CIT: variants seen among roughly 807,000 people sequenced by gnomAD.
CIT encodes the protein citron Rho-interacting kinase.
In CIT, 79 loss-of-function variants were observed where a neutral mutation model predicts 272.7. That is an observed-to-expected ratio of 0.29 (90% CI 0.24 to 0.35). The LOEUF is 0.35. CIT is among the 10% of genes least tolerant of loss of function. The probability of loss-of-function intolerance (pLI) is 1.00; values close to 1 mark genes in which losing one functional copy is unlikely to be tolerated. For synonymous variants in CIT, 948 were observed against 995.6 expected, an observed-to-expected ratio of 0.95 and a Z score of 0.90; for missense variants, 1,909 against 2,618.3, an observed-to-expected ratio of 0.73 and a Z score of 5.91.
intron 5 of CIT, among the ~76,000 whole-genome samples, chr12:119,840,077 G>A (rs1161302232): frequency 6.6e-6 from 1 of 152,200 alleles, no homozygotes; most frequent in African/African-American, 2.4e-5. Flanking sequence ...GGCATTTGGG[G>A]AGGCTGAAGC....
chr12:119,823,020 T>C, intron 8 of CIT, 47 bp from the exon 9 acceptor site: 1 of 1,537,752 alleles, frequency 6.5e-7, no homozygotes, highest in Non-Finnish European at 8.8e-7. Flanking sequence ...AGGGATTCCG[T>C]TTCTCATGCT....
Position 119,688,101 on chromosome 12 carries a change from TG to T in CIT, c.*130del. 1.0e-6 allele frequency: 1 copy of T among 960,120 alleles called. No homozygotes were observed. Among genetic ancestry groups the T allele is most frequent in the Non-Finnish European group, 1.7e-6 (1 of 599,684 alleles). 59.5% of individuals were successfully genotyped at this position (960,120 alleles called of 1,614,324 possible). A position where few individuals can be genotyped will look rare whatever the true frequency, so the allele number is the denominator to read the frequency against. On this transcript the variant is annotated 3_prime_UTR_variant, in exon 48 of 48. Coordinates refer to ENST00000392521, the MANE Select transcript of CIT (RefSeq NM_001206999.2). ...GGAGACAGGGGTGTCCGTGCCGAGG[TG>T]GGTCTGGGCCCCGCTGAGCCAGAGG...
chr12:119,853,324 C>CAAAAAAA (rs199867661), intron 4 of CIT, among the ~76,000 whole-genome samples: 1 of 82,704 alleles, frequency 1.2e-5, no homozygotes. Flanking sequence ...ACTCTGTCTC[C>CAAAAAAA]AAAAAAAAAA....
At chr12:119,822,342 T>A (rs988404929) in intron 9 of CIT, among the ~76,000 whole-genome samples, 1 of 152,260 alleles carries the variant, frequency 6.6e-6, no homozygotes, top group African/African-American at 2.4e-5. Context: ...AGGTTTTACA[T>A]GCTTGTGAGC....
At chr12:119,782,996 G>A (rs189202972) in intron 12 of CIT, 293 of 165,502 alleles carry the variant, frequency 1.8e-3, no homozygotes, top group African/African-American at 6.4e-3. Flanking sequence ...GTTTTCTACA[G>A]TTATTTGTGG....
At position 119,688,253 on chromosome 12, in the gene CIT, G is replaced by C. The variant is rs56212782; in HGVS notation, c.6189C>G (p.Val2063=). The C allele has an allele frequency of 3.8e-4, 602 of 1,602,342 alleles. 3 individuals carry two copies. The East Asian group carries it at 0.011, about 28-fold the overall frequency. Reference sequence around the variant, plus strand: ...AGATTTATACTGAAGACTGGTCCCAGACCTAGGAGTGAAATAAGGAGGAGT... The same window carrying C: ...AGATTTATACTGAAGACTGGTCCCACACCTAGGAGTGAAATAAGGAGGAGT... ...VRTPLSQVNK[V]WDQSSV is the part of the protein sequence containing the mutation. The change falls in exon 48 of 48, where the codon GTC becomes GTG. Residue 2063 remains valine, a splice_region_variant and synonymous_variant. Coordinates refer to ENST00000392521, the MANE Select transcript of CIT (RefSeq NM_001206999.2).
intron 5 of CIT, among the ~76,000 whole-genome samples, chr12:119,844,738 A>G (rs1357053090): frequency 6.6e-6 from 1 of 152,192 alleles, no homozygotes; most frequent in Non-Finnish European, 1.5e-5. Context: ...GTAATACCCA[A>G]TTGAGCTACA....
At chr12:119,833,010 T>C (rs550595838) in intron 6 of CIT, 146 bp from the exon 7 acceptor site, 17 of 520,020 alleles carry the variant, frequency 3.3e-5, no homozygotes, top group Middle Eastern at 2.9e-4. Context: ...ATTATTAGCA[T>C]ACATTTTGCA....
chr12:119,760,602 G>C (rs1961647365), intron 20 of CIT, among the ~76,000 whole-genome samples: 1 of 150,890 alleles, frequency 6.6e-6, no homozygotes, highest in South Asian at 2.1e-4. Context: ...ATTGCAGCCT[G>C]GGCTTCAGAG....
At chr12:119,857,965 G>C (rs888051606) in intron 3 of CIT, among the ~76,000 whole-genome samples, 1 of 152,196 alleles carries the variant, frequency 6.6e-6, no homozygotes, top group Non-Finnish European at 1.5e-5. Flanking sequence ...AATAGGGAGA[G>C]AGGATACAAA....
chr12:119,826,496 T>C (rs1968170700), intron 7 of CIT, among the ~76,000 whole-genome samples: 1 of 152,228 alleles, frequency 6.6e-6, no homozygotes, highest in African/African-American at 2.4e-5. Context: ...GCAGGCTTTC[T>C]TCCCCTCATA....
At chr12:119,812,251 C>A (rs138074576) in intron 9 of CIT, among the ~76,000 whole-genome samples, 105 of 151,996 alleles carry the variant, frequency 6.9e-4, no homozygotes, top group African/African-American at 2.2e-3. Flanking sequence ...TCTGGCCCAA[C>A]CAGGACACAT....
At chr12:119,695,533 A>G (rs1284058402) in intron 46 of CIT, among the ~76,000 whole-genome samples, 3 of 152,112 alleles carry the variant, frequency 2.0e-5, no homozygotes, top group Non-Finnish European at 2.9e-5. Context: ...CAGTGCTTCA[A>G]GCCTATAAAC....
In CIT at chr12:119,712,420, G is replaced by C; in HGVS notation, c.4685-73C>G. 1 of 1,499,848 alleles carries C rather than the reference G, an allele frequency of 6.7e-7. No individual in the cohort carries two copies. Among genetic ancestry groups the C allele is most frequent in the East Asian group, 2.3e-5 (1 of 44,094 alleles). 92.9% of individuals were successfully genotyped at this position (1,499,848 alleles called of 1,614,324 possible). On this transcript the variant is annotated intron_variant, in intron 36 of 47. Coordinates refer to ENST00000392521, the MANE Select transcript of CIT (RefSeq NM_001206999.2). This position sits in a 1 kb window ranked among gnomAD's most constrained non-coding sequence, Gnocchi z 5.2. ...CCCACTGGGAGGGACGGGCCTGAGA[G>C]ATCAAAGATGCCCACCAAACCACGC...
chr12:119,733,429 G>A (rs1958578359), intron 26 of CIT, among the ~76,000 whole-genome samples: 1 of 140,128 alleles, frequency 7.1e-6, no homozygotes, highest in Admixed American at 7.0e-5. Flanking sequence ...AGCTACTTGG[G>A]AGGCTGAAGA....
chr12:119,820,407 CG>C (rs978274745), intron 9 of CIT, among the ~76,000 whole-genome samples: 27 of 151,940 alleles, frequency 1.8e-4, no homozygotes, highest in African/African-American at 5.8e-4. Flanking sequence ...AAAAAGTAGC[CG>C]GGCATGGTGG....
intron 3 of CIT, among the ~76,000 whole-genome samples, chr12:119,862,826 A>AAAAAAAAAAAAAAAAAAAAAAAAC (rs1950388158): frequency 7.4e-6 from 1 of 135,506 alleles, no homozygotes; most frequent in Non-Finnish European, 1.5e-5. Context: ...AAAAAAAAAA[A>AAAAAAAAAAAAAAAAAAAAAAAAC]AAAAAAAAAA....
chr12:119,713,534 G>A lies in CIT; in HGVS notation c.4421C>T (p.Ser1474Phe). The change falls in exon 34 of 48, where the codon TCC (serine) becomes TTC (phenylalanine). Residue 1474 changes from serine to phenylalanine, a missense_variant. Around this residue, in one of 8 missense-constraint regions of CIT, gnomAD observed 780 missense variants for 1,067.2 expected, o/e 0.73. Coordinates refer to ENST00000392521, the MANE Select transcript of CIT (RefSeq NM_001206999.2). This position sits in a 1 kb window ranked among gnomAD's most constrained non-coding sequence, Gnocchi z 5.2. ...TEAFCRDKMN[S>F]PGLQTKEPSS... Reference sequence around the variant, plus strand: ...GGGCTCCTTGGTCTGGAGACCTGGGGAGTTCATTTTGTCACGGCAGAAGGC... The same window carrying A: ...GGGCTCCTTGGTCTGGAGACCTGGGAAGTTCATTTTGTCACGGCAGAAGGC... The A allele has an allele frequency of 6.2e-7, 1 of 1,614,226 alleles. No individual in the cohort carries two copies. Among genetic ancestry groups the A allele is most frequent in the Non-Finnish European group, 8.5e-7 (1 of 1,180,050 alleles).
At position 119,730,556 on chromosome 12, in the gene CIT, A is replaced by G. The variant is rs1958380573; in HGVS notation, c.3425T>C (p.Ile1142Thr). ...TTTGAGAGCCTGCTGCAGAGCGAGAATCTCAGCCTTGTGCTCCTTCACTGC... is the reference window on the plus strand; with the variant it reads ...TTTGAGAGCCTGCTGCAGAGCGAGAGTCTCAGCCTTGTGCTCCTTCACTGC... The part of the protein sequence containing the change: ...ELAVKEHKAE[I>T]LALQQALKEQ... Residue 1142 changes from isoleucine to threonine, a missense_variant, in exon 27 of 48, where the codon ATT (isoleucine) becomes ACT (threonine). This residue lies in a region of CIT where 530 missense variants were observed against 822.4 expected (regional missense o/e 0.64). Transcript: ENST00000392521. 2 of 1,614,006 alleles carry G rather than the reference A, an allele frequency of 1.2e-6. No individual in the cohort carries two copies. The highest frequency in any genetic ancestry group is 1.7e-6 in the Non-Finnish European group (2 of 1,179,998).
Sources: allele counts gnomAD v4.1 joint callset (sites outside exome capture counted in the v4.1 genomes callset), GRCh38; gene constraint gnomAD v4.1.1; regional missense constraint gnomAD v4.1.1; non-coding constraint Gnocchi (gnomAD v3.1); transcripts MANE v1.5; gene names NCBI Gene and HGNC (gene_info 2026-07-23, HGNC 2026-07-21).